Variants in PALLD observed in about 807,000 individuals in gnomAD.
PALLD encodes the protein palladin.
A neutral mutation model predicts 123.5 loss-of-function variants in PALLD; 61 were observed. That is an observed-to-expected ratio of 0.49 (90% confidence interval 0.40 to 0.61). PALLD has a LOEUF of 0.61. Ranked by LOEUF, PALLD falls within the 20% of genes least tolerant of loss-of-function variation. The pLI, the probability that PALLD is intolerant of heterozygous loss-of-function variation, is 0.00. For missense variants in PALLD, 1,273 were observed against 1,377.0 expected (o/e 0.92, Z 1.20); for synonymous variants, 465 against 496.4 (o/e 0.94, Z 0.84).
At chr4:168,721,712 A>G (rs1231751602) in intron 10 of PALLD, among the ~76,000 whole-genome samples, 2 of 152,174 alleles carry the variant, frequency 1.3e-5, no homozygotes, top group East Asian at 3.9e-4. Flanking sequence ...TTGACTGTTC[A>G]TCATGGATGC....
intron 10 of PALLD, among the ~76,000 whole-genome samples, chr4:168,850,373 C>T (rs1287454404): frequency 1.3e-5 from 2 of 152,056 alleles, no homozygotes; most frequent in African/African-American, 4.8e-5. Context: ...ATGTCCAGGC[C>T]TGCACTACTA....
rs149752265 is a variant in PALLD at position 168,711,598 on chromosome 4, A to G, written c.1639A>G (p.Ser547Gly). The G allele has an allele frequency of 2.5e-6, 4 of 1,613,296 alleles. No individual in the cohort carries two copies. The highest frequency in any genetic ancestry group is 1.6e-4 in the Middle Eastern group (1 of 6,080). ...TTCCTTAGCCAACACTGAAAACTGT[A>G]GTTACGAGTCAATGGGAGAATCCAA... is the stretch of plus-strand genomic sequence containing the variant. ...VVTSANTENC[S>G]YESMGESNND... The change falls in exon 10 of 22, where the codon AGT (serine) becomes GGT (glycine). Residue 547 changes from serine (S) to glycine (G), a missense_variant. By Grantham distance (56) the Ser-to-Gly change is moderately conservative. Around this residue, in one of 2 missense-constraint regions of PALLD, gnomAD observed 944 missense variants for 954.5 expected, o/e 0.99. Coordinates refer to ENST00000505667, the MANE Select transcript of PALLD (RefSeq NM_001166108.2).
chr4:168,709,900 C>T (rs565355119), intron 9 of PALLD, among the ~76,000 whole-genome samples: 5 of 152,094 alleles, frequency 3.3e-5, no homozygotes, highest in East Asian at 1.9e-4. Context: ...AACATCCTCC[C>T]GCTAACCTAG....
At chr4:168,534,374 A>G (rs1218251186) in intron 2 of PALLD, among the ~76,000 whole-genome samples, 1 of 152,246 alleles carries the variant, frequency 6.6e-6, no homozygotes, top group African/African-American at 2.4e-5. Flanking sequence ...CAGCAGTGGC[A>G]CTATGAAACT....
In PALLD at chr4:168,841,997, C is replaced by T. The variant is rs114292946; in HGVS notation, c.1965-48925C>T. On this transcript the variant is annotated intron_variant, in intron 10 of 21. Transcript: ENST00000505667. ...GAGTAATCCAGCTCCACTGTTAATA[C>T]TGTCATTTGAAGAGTTAGCAAGGAA... Among the ~76,000 whole-genome samples, 1,048 of 152,290 alleles carry T rather than the reference C, an allele frequency of 6.9e-3. 3 individuals are homozygous for T. The highest frequency in any genetic ancestry group is 0.01 in the Middle Eastern group (3 of 294).
chr4:168,691,929 G>A (rs914986972), intron 8 of PALLD, among the ~76,000 whole-genome samples: 1 of 152,168 alleles, frequency 6.6e-6, no homozygotes, highest in Non-Finnish European at 1.5e-5. Context: ...GTTCCTCGTG[G>A]AGTGAAATAG....
chr4:168,698,100 A>G lies in PALLD; in HGVS notation c.1501+6808A>G, dbSNP rs147089919. ...GATGGAACTGGAGCTCATTATGTTA[A>G]GTGAAATAAGGCAGACACAGAAAGA... is the stretch of plus-strand genomic sequence containing the variant. On this transcript the variant is annotated intron_variant, in intron 8 of 21. Coordinates refer to ENST00000505667, the MANE Select transcript of PALLD (RefSeq NM_001166108.2). 1.6e-3 allele frequency among the ~76,000 whole-genome samples: 240 copies of G among 152,348 alleles called. 1 individual carries two copies. The highest frequency in any genetic ancestry group is 2.7e-3 in the Non-Finnish European group (181 of 68,022).
chr4:168,703,487 G>T (rs1353195432), intron 8 of PALLD, among the ~76,000 whole-genome samples: 1 of 125,266 alleles, frequency 8.0e-6, no homozygotes, highest in Admixed American at 7.4e-5. Context: ...TCGCCACACT[G>T]ACTTCCGCAA....
chr4:168,834,360 G>A (rs1337017461), intron 10 of PALLD, among the ~76,000 whole-genome samples: 1 of 152,096 alleles, frequency 6.6e-6, no homozygotes, highest in Non-Finnish European at 1.5e-5. Flanking sequence ...CAATAAACAG[G>A]TGTCCTACTC....
chr4:168,855,893 T>C (rs1289835025), intron 10 of PALLD, among the ~76,000 whole-genome samples: 1 of 152,214 alleles, frequency 6.6e-6, no homozygotes, highest in Non-Finnish European at 1.5e-5. Flanking sequence ...CATGGGCAGG[T>C]TTGTTACAAG....
intron 2 of PALLD, among the ~76,000 whole-genome samples, chr4:168,547,208 T>C (rs555259597): frequency 6.6e-6 from 1 of 152,250 alleles, no homozygotes; most frequent in South Asian, 2.1e-4. Context: ...GCCTACTAAC[T>C]GGGTGTGTGG....
intron 10 of PALLD, among the ~76,000 whole-genome samples, chr4:168,881,106 T>C (rs1417714940): frequency 1.3e-5 from 2 of 152,154 alleles, no homozygotes; most frequent in African/African-American, 2.4e-5. Flanking sequence ...GGTTTCACCA[T>C]GATGGCCAGG....
intron 10 of PALLD, among the ~76,000 whole-genome samples, chr4:168,725,056 A>G (rs17708122): frequency 0.055 from 8,312 of 152,256 alleles, 294 homozygotes; most frequent in South Asian, 0.091. Context: ...AAATGTAATG[A>G]TGTATGTATC....
intron 14 of PALLD, among the ~76,000 whole-genome samples, chr4:168,902,364 G>A (rs1454328484): frequency 3.3e-5 from 5 of 152,190 alleles, no homozygotes; most frequent in African/African-American, 9.7e-5. Flanking sequence ...TAGTAAGTCT[G>A]CAGGTGGGGT....
chr4:168,650,404 T>C (rs187403220), intron 2 of PALLD, among the ~76,000 whole-genome samples: 10 of 152,334 alleles, frequency 6.6e-5, no homozygotes, highest in Admixed American at 5.9e-4. Flanking sequence ...GATGTGTTGT[T>C]GACAGCTGCG....
chr4:168,578,564 C>G (rs1277961216), intron 2 of PALLD, among the ~76,000 whole-genome samples: 5 of 152,050 alleles, frequency 3.3e-5, no homozygotes, highest in African/African-American at 1.2e-4. Context: ...GTCAACTAAA[C>G]CTCTTTCCTT....
chr4:168,913,991 G>A lies in PALLD; in HGVS notation c.2687G>A (p.Arg896Gln), dbSNP rs373500403. The A allele has an allele frequency of 2.7e-5, 43 of 1,611,584 alleles. No individual in the cohort carries two copies. The South Asian group carries it at 4.0e-4, about 15-fold the overall frequency. The change falls in exon 16 of 22, where the codon CGG becomes CAG. Residue 896 changes from arginine to glutamine, a missense_variant. This residue lies in a region of PALLD where 329 missense variants were observed against 422.5 expected (regional missense o/e 0.78). Transcript: ENST00000505667. ...QAVNQRGRSP[R>Q]SPSGHPHVRR... is the part of the protein sequence containing the mutation. ...GTCAACCAAAGAGGTCGAAGTCCCC[G>A]GTCTCCCTCAGGCCATCCTCATGTC...
At chr4:168,672,583 C>T (rs190572726) in intron 3 of PALLD, among the ~76,000 whole-genome samples, 3 of 152,126 alleles carry the variant, frequency 2.0e-5, no homozygotes, top group Admixed American at 6.5e-5. Flanking sequence ...CTCAGCCTCC[C>T]GAGTAGCTGG....
At chr4:168,700,054 C>A in intron 8 of PALLD, 1 of 332,350 alleles carries the variant, frequency 3.0e-6, no homozygotes, top group Non-Finnish European at 6.0e-6. Flanking sequence ...GAGATGCCAC[C>A]AGATGAAAAT....
Sources: gnomAD v4.1 joint callset for allele counts (sites outside exome capture counted in the v4.1 genomes callset) on GRCh38, gnomAD v4.1.1 for gene constraint, gnomAD v4.1.1 regional missense constraint, MANE v1.5 for transcripts, NCBI Gene and HGNC (gene_info 2026-07-23, HGNC 2026-07-21) for gene names.